The following TRAPPC9 variants were observed in gnomAD, a reference collection of about 807,000 sequenced individuals.
TRAPPC9 encodes trafficking protein particle complex subunit 9.
A neutral mutation model predicts 124.0 loss-of-function variants in TRAPPC9; 83 were observed. That is an observed-to-expected ratio of 0.67 (90% CI 0.56 to 0.80). The LOEUF is 0.80. TRAPPC9 is among the 30% of genes least tolerant of loss of function. The pLI, the probability that TRAPPC9 is intolerant of heterozygous loss-of-function variation, is 0.00. For missense variants in TRAPPC9, 1,302 were observed against 1,508.3 expected (o/e 0.86, Z 2.27); for synonymous variants, 638 against 617.5 (o/e 1.03, Z -0.49).
intron 21 of TRAPPC9, among the ~76,000 whole-genome samples, chr8:139,879,118 T>C (rs528178233): frequency 3.3e-5 from 5 of 152,276 alleles, no homozygotes; most frequent in Admixed American, 2.0e-4. Flanking sequence ...ACGGGTGTGA[T>C]AGAAACTCCC....
At chr8:139,748,377 G>T (rs142110429) in intron 21 of TRAPPC9, among the ~76,000 whole-genome samples, 1 of 133,276 alleles carries the variant, frequency 7.5e-6, no homozygotes, top group African/African-American at 3.2e-5. Context: ...GAGCAGGTAG[G>T]GGGGCGTACA....
At chr8:139,779,464 G>T (rs758365769) in intron 21 of TRAPPC9, among the ~76,000 whole-genome samples, 3 of 152,154 alleles carry the variant, frequency 2.0e-5, no homozygotes, top group Non-Finnish European at 4.4e-5. Context: ...AAATACATAA[G>T]ATTTTCTTCT....
At chr8:139,764,416 C>A (rs1563796589) in intron 21 of TRAPPC9, among the ~76,000 whole-genome samples, 1 of 152,202 alleles carries the variant, frequency 6.6e-6, no homozygotes, top group Non-Finnish European at 1.5e-5. Flanking sequence ...CAGGGCAGGG[C>A]TGCAAAGCTG....
intron 5 of TRAPPC9, among the ~76,000 whole-genome samples, chr8:140,414,525 C>A (rs187088097): frequency 5.9e-5 from 9 of 152,106 alleles, no homozygotes; most frequent in East Asian, 5.8e-4. Flanking sequence ...CAGAGAGAGA[C>A]CCTGTCTCAA....
chr8:139,761,345 A>G (rs1278358014), intron 21 of TRAPPC9, among the ~76,000 whole-genome samples: 1 of 152,170 alleles, frequency 6.6e-6, no homozygotes, highest in African/African-American at 2.4e-5. Context: ...AGAAGTTACC[A>G]ATCAAGCTCA....
intron 8 of TRAPPC9, among the ~76,000 whole-genome samples, chr8:140,370,289 G>A (rs537258187): frequency 3.6e-4 from 55 of 152,000 alleles, no homozygotes; most frequent in Non-Finnish European, 6.5e-4. Context: ...ACAAGCGCAC[G>A]CCACCATGCC....
At chr8:140,442,899 C>G (rs574417609) in intron 2 of TRAPPC9, among the ~76,000 whole-genome samples, 1 of 151,900 alleles carries the variant, frequency 6.6e-6, no homozygotes, top group Non-Finnish European at 1.5e-5. Context: ...CTATGGGAGG[C>G]CGAGGCAGGC....
intron 20 of TRAPPC9, among the ~76,000 whole-genome samples, chr8:139,889,106 A>T (rs1212804242): frequency 6.6e-6 from 1 of 152,234 alleles, no homozygotes; most frequent in Non-Finnish European, 1.5e-5. Context: ...ATGGAATGTT[A>T]TTCGGCCCTT....
intron 21 of TRAPPC9, among the ~76,000 whole-genome samples, chr8:139,843,343 T>C (rs1489576689): frequency 6.6e-6 from 1 of 152,202 alleles, no homozygotes; most frequent in Non-Finnish European, 1.5e-5. Flanking sequence ...CTCACTGCTC[T>C]CTGGGACTTC....
chr8:140,127,547 A>G (rs1414728943), intron 17 of TRAPPC9, among the ~76,000 whole-genome samples: 3 of 152,236 alleles, frequency 2.0e-5, no homozygotes, highest in African/African-American at 7.2e-5. Flanking sequence ...CCCTCAGGAA[A>G]TATCCACGGA....
At chr8:140,336,751 A>G (rs2067052416) in intron 9 of TRAPPC9, among the ~76,000 whole-genome samples, 1 of 152,192 alleles carries the variant, frequency 6.6e-6, no homozygotes, top group African/African-American at 2.4e-5. Flanking sequence ...AACTGTATCT[A>G]AGTTGATAGA....
intron 1 of TRAPPC9, among the ~76,000 whole-genome samples, chr8:140,456,227 G>C (rs2071659417): frequency 6.6e-6 from 1 of 152,106 alleles, no homozygotes; most frequent in Non-Finnish European, 1.5e-5. Flanking sequence ...GGCCAACAGA[G>C]TGAAACCCCG....
intron 19 of TRAPPC9, among the ~76,000 whole-genome samples, chr8:139,916,151 C>T (rs1832114833): frequency 6.6e-6 from 1 of 152,196 alleles, no homozygotes; most frequent in Non-Finnish European, 1.5e-5. Context: ...ACTACATAAA[C>T]CCCTCAAGAC....
chr8:139,922,374 C>A (rs557483415), intron 19 of TRAPPC9, among the ~76,000 whole-genome samples: 2 of 152,270 alleles, frequency 1.3e-5, no homozygotes, highest in Non-Finnish European at 2.9e-5. Context: ...AGTAGAGATG[C>A]GGTTTCACCA....
At chr8:139,988,603 T>C (rs1331147686) in intron 19 of TRAPPC9, 123 bp downstream of exon 19, 1 of 715,580 alleles carries the variant, frequency 1.4e-6, no homozygotes, top group African/African-American at 1.7e-5. Flanking sequence ...ACGGTATCTC[T>C]GAAAGGGAGA....
intron 9 of TRAPPC9, among the ~76,000 whole-genome samples, chr8:140,346,727 GA>G (rs943372453): frequency 6.6e-6 from 1 of 152,164 alleles, no homozygotes; most frequent in Non-Finnish European, 1.5e-5. Flanking sequence ...TTGCCAAAGA[GA>G]AAACAAAACA....
At chr8:140,420,087 C>T (rs2070149136) in intron 5 of TRAPPC9, among the ~76,000 whole-genome samples, 1 of 152,014 alleles carries the variant, frequency 6.6e-6, no homozygotes, top group Non-Finnish European at 1.5e-5. Flanking sequence ...ATTAAGAAAA[C>T]AATTCCATTT....
At chr8:139,876,901 C>T (rs1829354721) in intron 21 of TRAPPC9, among the ~76,000 whole-genome samples, 1 of 152,166 alleles carries the variant, frequency 6.6e-6, no homozygotes, top group Admixed American at 6.5e-5. Flanking sequence ...AGCCATGCTC[C>T]CCAAATGTGA....
intron 21 of TRAPPC9, among the ~76,000 whole-genome samples, chr8:139,833,413 C>T (rs1826114414): frequency 6.6e-6 from 1 of 152,250 alleles, no homozygotes; most frequent in Non-Finnish European, 1.5e-5. Flanking sequence ...CTGTGTCCTG[C>T]CTTTCCCACA....
Sources: allele counts gnomAD v4.1 joint callset (sites outside exome capture counted in the v4.1 genomes callset), GRCh38; gene constraint gnomAD v4.1.1; transcripts MANE v1.5; gene names NCBI Gene and HGNC (gene_info 2026-07-23, HGNC 2026-07-21).